The following HELZ2 variants were observed in gnomAD, a reference collection of about 807,000 sequenced individuals.
HELZ2 encodes the protein helicase with zinc finger 2, also known as 3'-5' exoribonuclease HELZ2.
Under a neutral mutation model 208.8 loss-of-function variants are expected in HELZ2, and 143 were observed. The ratio of observed to expected loss-of-function variants is 0.68; its 90% confidence interval spans 0.60 to 0.79. HELZ2 has a LOEUF of 0.79. Ranked by LOEUF, HELZ2 falls within the 30% of genes least tolerant of loss-of-function variation. The pLI, the probability that HELZ2 is intolerant of heterozygous loss-of-function variation, is 0.00. For missense variants in HELZ2, 3,690 were observed against 3,794.5 expected (o/e 0.97, Z 0.72); for synonymous variants, 1,705 against 1,693.7 (o/e 1.01, Z -0.16).
At position 63,560,168 on chromosome 20, in the gene HELZ2, C is replaced by T; in HGVS notation, c.7657+3G>A. 6.4e-7 allele frequency: 1 copy of T among 1,552,612 alleles called. No individual in the cohort carries two copies. Among genetic ancestry groups the T allele is most frequent in the Non-Finnish European group, 8.7e-7 (1 of 1,154,008 alleles). On this transcript the variant is annotated splice_donor_region_variant and intron_variant, in intron 17 of 18. Transcript: ENST00000467148. ...GGCCCCACCCACGAGCCCCCAGCCT[C>T]ACCCTGGCTCTTGGTGATGGAGGAC...
chr20:63,565,791 C>T (rs1387672724), exon 8 of HELZ2: 1 of 1,600,030 alleles, frequency 6.2e-7, no homozygotes, highest in Admixed American at 1.7e-5. Flanking sequence ...GCCGTGATGT[C>T]ACGGGATGCT....
exon 11 of HELZ2, chr20:63,561,834 TCCA>T: frequency 6.4e-7 from 1 of 1,562,382 alleles, no homozygotes; most frequent in Non-Finnish European, 8.7e-7. Flanking sequence ...TGCCAGGACA[TCCA>T]CCGACTTGTT....
chr20:63,566,737 CT>C (rs2082963838), intron 6 of HELZ2, 106 bp downstream of exon 7: 7 of 1,156,938 alleles, frequency 6.1e-6, no homozygotes, highest in Non-Finnish European at 7.3e-6. Flanking sequence ...CTGCAGCCCC[CT>C]CTTACAGATG....
In HELZ2 at chr20:63,567,006, G is replaced by A. The variant is rs150251929; in HGVS notation, c.2352C>T (p.His784=). Residue 784 remains histidine (H), a synonymous_variant, in exon 6 of 19, where the codon CAC becomes CAT. Coordinates refer to ENST00000467148, the Ensembl canonical transcript of HELZ2. ...TGTCCCGGTCTGGGCTGCCCGCCAC[G>A]TGGCAGAACATGAGCGGGTAGTGCC... The A allele has an allele frequency of 5.1e-5, 82 of 1,611,028 alleles. No individual in the cohort carries two copies. In the African/African-American group the frequency reaches 6.4e-4, roughly 13 times the overall value.
chr20:63,565,105 G>A (rs1222051211), exon 8 of HELZ2: 1 of 1,567,212 alleles, frequency 6.4e-7, no homozygotes, highest in South Asian at 1.2e-5. Context: ...GGAGGCTGTA[G>A]ATGGGGACCT....
chr20:63,573,234 G>A (rs1311812263), upstream of HELZ2: 1 of 152,278 alleles, frequency 6.6e-6, no homozygotes, highest in Non-Finnish European at 1.5e-5. This position sits in a 1 kb window ranked among gnomAD's most constrained non-coding sequence, Gnocchi z 4.9. Context: ...GCGACAGAAG[G>A]AGCAGGTGAG....
intron 13 of HELZ2, 33 bp from the exon 15 acceptor site, chr20:63,561,307 C>T (rs1600967787): frequency 6.2e-7 from 1 of 1,612,568 alleles, no homozygotes; most frequent in Non-Finnish European, 8.5e-7. Flanking sequence ...CCCCAGGGCC[C>T]CCATGCTGCA....
chr20:63,572,536 C>CA, upstream of HELZ2: 1 of 828,300 alleles, frequency 1.2e-6, no homozygotes, highest in South Asian at 1.9e-5. Context: ...CCTCGGCGCT[C>CA]ACGTGGGCCA....
exon 8 of HELZ2, chr20:63,565,697 C>T (rs2082946582): frequency 1.2e-6 from 2 of 1,608,484 alleles, no homozygotes; most frequent in East Asian, 4.5e-5. Flanking sequence ...AGCAGCCGCT[C>T]CTGCCGCACA....
At chr20:63,570,250 G>A (rs777241500) in intron 3 of HELZ2, 7 of 602,180 alleles carry the variant, frequency 1.2e-5, no homozygotes, top group African/African-American at 1.9e-5. Context: ...GTGAACCACC[G>A]CACCTGGCCA....
At position 63,567,369 on chromosome 20, in the gene HELZ2, G is replaced by A. The variant is rs1368098241; in HGVS notation, c.1989C>T (p.His663=). Residue 663 remains histidine, a synonymous_variant, in exon 6 of 19, where the codon CAC becomes CAT. Coordinates refer to ENST00000467148, the Ensembl canonical transcript of HELZ2. ...TCTGGGCCGCCTCATCGATGAGAATGTGGGAGAAGAAGCCGACCGGCACCC... is the reference window on the plus strand; with the variant it reads ...TCTGGGCCGCCTCATCGATGAGAATATGGGAGAAGAAGCCGACCGGCACCC... The A allele has an allele frequency of 1.9e-6, 3 of 1,601,416 alleles. No homozygotes were observed. In the African/African-American group the frequency reaches 4.0e-5, roughly 21 times the overall value.
At chr20:63,559,885 T>A in intron 18 of HELZ2, 43 bp downstream of exon 19, 1 of 1,595,182 alleles carries the variant, frequency 6.3e-7, no homozygotes, top group Admixed American at 1.7e-5. Context: ...AGCCCTGGCC[T>A]CACCTGTGTT....
intron 5 of HELZ2, chr20:63,567,937 T>C (rs1435144400): frequency 3.6e-6 from 2 of 557,566 alleles, no homozygotes; most frequent in South Asian, 2.4e-5. Context: ...AGGCTCTTCC[T>C]CCCACTCCCC....
chr20:63,573,216 C>A (rs755598080), upstream of HELZ2: 2 of 152,222 alleles, frequency 1.3e-5, no homozygotes, highest in African/African-American at 4.8e-5. This position sits in a 1 kb window ranked among gnomAD's most constrained non-coding sequence, Gnocchi z 4.9. Flanking sequence ...GGCCACGGTT[C>A]GAAGCCTGCG....
exon 6 of HELZ2, chr20:63,567,558 A>T (rs2082976536): frequency 1.9e-6 from 3 of 1,582,266 alleles, no homozygotes; most frequent in Admixed American, 1.8e-5. Flanking sequence ...TCACACGGAG[A>T]GGAGTGGCCT....
chr20:63,564,993 AGAAGCCTT>A lies in HELZ2; in HGVS notation c.3821_3828del (p.Gln1274LeufsTer13), dbSNP rs1425460365. On this transcript the variant is annotated frameshift_variant, in exon 8 of 19. Transcript: ENST00000467148. LOFTEE classifies it high-confidence loss of function. ...TCCCGGACGATGCCCAGCGGGTAGT[AGAAGCCTT>A]GCCGCCACAGGACAATTTGGACCCA... is the stretch of plus-strand genomic sequence containing the variant. The A allele has an allele frequency of 6.3e-7, 1 of 1,599,224 alleles. No homozygotes were observed. The highest frequency in any genetic ancestry group is 8.5e-7 in the Non-Finnish European group (1 of 1,171,492).
In HELZ2 at chr20:63,560,775, G is replaced by A; in HGVS notation, c.7281+20C>T. ...CCCAGGGGCTGCAGGTGGGCTGGGG[G>A]CTGAGTGGGGCGGGCTCACCATGCG... On this transcript the variant is annotated intron_variant, in intron 15 of 18. Transcript: ENST00000467148. The A allele has an allele frequency of 3.7e-6, 6 of 1,607,074 alleles. No individual in the cohort carries two copies. Among genetic ancestry groups the A allele is most frequent in the Non-Finnish European group, 4.2e-6 (5 of 1,177,198 alleles).
rs374001820 is a variant in HELZ2, at chr20:63,560,155, G to A, written c.7657+16C>T. 208 of 970,472 alleles carry A rather than the reference G, an allele frequency of 2.1e-4. 3 individuals carry two copies. The highest frequency in any genetic ancestry group is 1.1e-3 in the Middle Eastern group (4 of 3,772). 60.1% of individuals were successfully genotyped at this position (970,472 alleles called of 1,614,324 possible). On this transcript the variant is annotated intron_variant, in intron 17 of 18. Coordinates refer to ENST00000467148, the Ensembl canonical transcript of HELZ2. ...CGCCCACCCTCCCGGCCCCACCCAC[G>A]AGCCCCCAGCCTCACCCTGGCTCTT...
downstream of HELZ2, chr20:63,559,159 A>G (rs2146002342): frequency 7.7e-7 from 1 of 1,296,986 alleles, no homozygotes; most frequent in South Asian, 1.6e-5. Flanking sequence ...TGGCCCAGGC[A>G]GGCTGATGGC....
Sources: allele counts gnomAD v4.1 joint callset, GRCh38; gene constraint gnomAD v4.1.1; non-coding constraint Gnocchi (gnomAD v3.1); transcripts MANE v1.5; gene names NCBI Gene and HGNC (gene_info 2026-07-23, HGNC 2026-07-21).